The following MEI4 variants were observed in gnomAD, a reference collection of about 807,000 sequenced individuals.
MEI4 encodes meiotic double-stranded break formation protein 4.
In MEI4, 27 loss-of-function variants were observed where a neutral mutation model predicts 31.4. The observed-to-expected ratio is 0.86, with a 90% CI of 0.63 to 1.19. The LOEUF is 1.19. Ranked by LOEUF, MEI4 falls within the 50% of genes most tolerant of loss-of-function variation. MEI4 has a pLI of 0.00. For synonymous variants in MEI4, 122 were observed against 145.4 expected, an observed-to-expected ratio of 0.84 and a Z score of 1.16; for missense variants, 329 against 398.9, an observed-to-expected ratio of 0.82 and a Z score of 1.49.
intron 1 of MEI4, among the ~76,000 whole-genome samples, chr6:77,684,934 T>C (rs1414362600): frequency 6.6e-6 from 1 of 152,172 alleles, no homozygotes; most frequent in Non-Finnish European, 1.5e-5. Context: ...CAAACAGTTC[T>C]CCATAGTGGT....
chr6:77,742,853 C>T (rs538023685), intron 2 of MEI4, among the ~76,000 whole-genome samples: 200 of 152,048 alleles, frequency 1.3e-3, no homozygotes, highest in African/African-American at 4.2e-3. Context: ...AGCCAGTTTT[C>T]CCAGCACCAT....
chr6:77,695,447 G>A (rs1251707133), intron 2 of MEI4, among the ~76,000 whole-genome samples: 5 of 152,182 alleles, frequency 3.3e-5, no homozygotes, highest in South Asian at 2.1e-4. Flanking sequence ...TGTATAAGGC[G>A]TAAGGAAGGG....
At chr6:77,841,799 AT>A (rs1357160422) in intron 4 of MEI4, among the ~76,000 whole-genome samples, 1 of 152,190 alleles carries the variant, frequency 6.6e-6, no homozygotes, top group Non-Finnish European at 1.5e-5. Context: ...CTGTGTTAAT[AT>A]TAGCAAAAAT....
chr6:77,794,704 G>C (rs1350585819), intron 3 of MEI4, among the ~76,000 whole-genome samples: 1 of 145,282 alleles, frequency 6.9e-6, no homozygotes, highest in Non-Finnish European at 1.5e-5. Flanking sequence ...AGACCATCCA[G>C]ACAGAAAAAA....
intron 4 of MEI4, among the ~76,000 whole-genome samples, chr6:77,899,106 T>G (rs1766139673): frequency 6.6e-6 from 1 of 152,012 alleles, no homozygotes; most frequent in South Asian, 2.1e-4. Flanking sequence ...TGCATCTATA[T>G]TTTCAAACAG....
chr6:77,686,711 G>T (rs1769060917), intron 1 of MEI4, among the ~76,000 whole-genome samples: 1 of 151,996 alleles, frequency 6.6e-6, no homozygotes, highest in Admixed American at 6.6e-5. Context: ...AGTTTTGTAT[G>T]CAGCTCTGAT....
intron 4 of MEI4, among the ~76,000 whole-genome samples, chr6:77,838,617 C>T (rs922003134): frequency 3.3e-5 from 5 of 151,994 alleles, no homozygotes; most frequent in Admixed American, 2.6e-4. Context: ...AAGTCAACTA[C>T]CTGGCTGGGC....
intron 4 of MEI4, among the ~76,000 whole-genome samples, chr6:77,855,625 C>A (rs141120613): frequency 7.5e-4 from 114 of 152,184 alleles, no homozygotes; most frequent in African/African-American, 2.5e-3. Context: ...AAAGGTGATT[C>A]CAGAAAAGTC....
intron 2 of MEI4, among the ~76,000 whole-genome samples, chr6:77,719,534 C>T (rs1275252408): frequency 2.5e-5 from 2 of 80,406 alleles, no homozygotes; most frequent in African/African-American, 5.5e-5. Flanking sequence ...TTTGGCAGGG[C>T]AGCGATCATC....
chr6:77,872,975 T>C lies in MEI4; in HGVS notation c.900+43913T>C, dbSNP rs564817969. Reference sequence around the variant, plus strand: ...TGTGCCACATTTTCTTAATCCAGTCTATCATTGTTGGACATTTGGGTTGGT... The same window carrying C: ...TGTGCCACATTTTCTTAATCCAGTCCATCATTGTTGGACATTTGGGTTGGT... On this transcript the variant is annotated intron_variant, in intron 4 of 4. Transcript: ENST00000684080. 8.3e-3 allele frequency among the ~76,000 whole-genome samples: 1,263 copies of C among 151,606 alleles called. 13 individuals carry two copies. Among genetic ancestry groups the C allele is most frequent in the African/African-American group, 0.028 (1,169 of 41,266 alleles).
chr6:77,865,137 C>A (rs1382474421), intron 4 of MEI4, among the ~76,000 whole-genome samples: 3 of 152,014 alleles, frequency 2.0e-5, no homozygotes, highest in Admixed American at 6.6e-5. Context: ...CAGAAAAGAT[C>A]TAAAATTGAC....
chr6:77,788,250 C>A (rs756690144), intron 3 of MEI4, among the ~76,000 whole-genome samples: 81 of 152,176 alleles, frequency 5.3e-4, no homozygotes, highest in Non-Finnish European at 1.0e-3. Flanking sequence ...ATGGGATGTA[C>A]CTCAAAATAA....
intron 4 of MEI4, among the ~76,000 whole-genome samples, chr6:77,910,746 T>G (rs1192758381): frequency 1.3e-5 from 2 of 152,026 alleles, no homozygotes; most frequent in Non-Finnish European, 2.9e-5. Context: ...CAGGTATCCT[T>G]TTGAGATACT....
intron 4 of MEI4, among the ~76,000 whole-genome samples, chr6:77,905,525 C>T (rs1364850287): frequency 2.7e-5 from 3 of 111,396 alleles, no homozygotes; most frequent in Non-Finnish European, 5.3e-5. Flanking sequence ...GTGGCAGAGT[C>T]TCACTCTGTC....
At chr6:77,784,940 G>A (rs1012828215) in intron 3 of MEI4, among the ~76,000 whole-genome samples, 2 of 152,136 alleles carry the variant, frequency 1.3e-5, no homozygotes, top group African/African-American at 4.8e-5. Context: ...CAAGAACTCA[G>A]TTGCAAAGCA....
At chr6:77,750,004 A>G (rs1321740899) in intron 2 of MEI4, among the ~76,000 whole-genome samples, 1 of 152,230 alleles carries the variant, frequency 6.6e-6, no homozygotes, top group Admixed American at 6.5e-5. Context: ...CCAGAATTTC[A>G]TATCCAGCCA....
At position 77,729,606 on chromosome 6, in the gene MEI4, G is replaced by A. The variant is rs111758622; in HGVS notation, c.233-31524G>A. 5.2e-3 allele frequency among the ~76,000 whole-genome samples: 791 copies of A among 152,284 alleles called. 8 individuals are homozygous for A. Among genetic ancestry groups the A allele is most frequent in the African/African-American group, 0.019 (772 of 41,564 alleles). On this transcript the variant is annotated intron_variant, in intron 2 of 4. Coordinates refer to ENST00000684080, the MANE Select transcript of MEI4 (RefSeq NM_001322247.2). ...AAACAGGTAATGCAGGCTGAGTGCA[G>A]GAGTTTGGGAAAAGAGCAAAGCAGT...
chr6:77,816,302 T>TA (rs1427101911), intron 3 of MEI4, among the ~76,000 whole-genome samples: 2 of 152,262 alleles, frequency 1.3e-5, no homozygotes, highest in East Asian at 3.9e-4. Context: ...TAAAACTACT[T>TA]ACCTGTCAAA....
intron 2 of MEI4, among the ~76,000 whole-genome samples, chr6:77,740,632 C>T (rs1436003419): frequency 1.3e-5 from 2 of 151,996 alleles, no homozygotes; most frequent in Admixed American, 6.6e-5. Flanking sequence ...GAATTTAAGG[C>T]ATCAGTATAT....
Sources: gnomAD v4.1 joint callset for allele counts (sites outside exome capture counted in the v4.1 genomes callset) on GRCh38, gnomAD v4.1.1 for gene constraint, MANE v1.5 for transcripts, NCBI Gene and HGNC (gene_info 2026-07-23, HGNC 2026-07-21) for gene names.